MBD5: variants seen among roughly 807,000 people sequenced by gnomAD.
The protein encoded by MBD5 is methyl-CpG binding domain protein 5.
Under a neutral mutation model 117.3 loss-of-function variants are expected in MBD5, and 13 were observed. The ratio of observed to expected loss-of-function variants is 0.11; its 90% CI spans 0.07 to 0.18. MBD5 has a LOEUF of 0.18. MBD5 is among the 10% of genes least tolerant of loss of function. The probability of loss-of-function intolerance (pLI) is 1.00; values close to 1 mark genes in which losing one functional copy is unlikely to be tolerated. For missense variants in MBD5, 1,879 were observed against 2,093.8 expected (o/e 0.90, Z 2.00); for synonymous variants, 727 against 766.4 (o/e 0.95, Z 0.85).
At chr2:148,463,594 T>C (rs1574452993) in intron 6 of MBD5, 145 bp from the exon 7 acceptor site, 3 of 870,968 alleles carry the variant, frequency 3.4e-6, no homozygotes, top group Admixed American at 4.3e-5. Context: ...TACTAAGTTA[T>C]ATAAAGTTGC....
In MBD5 at chr2:148,396,904, A is replaced by T. The variant is rs183687659; in HGVS notation, c.-557+54568A>T. On this transcript the variant is annotated intron_variant, in intron 4 of 13. Coordinates refer to ENST00000642680, the MANE Select transcript of MBD5 (RefSeq NM_001378120.1). ...TTAAACCTTGCCCATGTCCTTATAG[A>T]TAAATTTTTCTGCAAATTACACTTT... Among the ~76,000 whole-genome samples, 12 of 152,286 alleles carry T rather than the reference A, an allele frequency of 7.9e-5. No homozygotes were observed. In the East Asian group the frequency reaches 2.3e-3, roughly 29 times the overall value.
chr2:148,069,056 G>A (rs984137078), intron 1 of MBD5, among the ~76,000 whole-genome samples: 6 of 152,122 alleles, frequency 3.9e-5, no homozygotes, highest in African/African-American at 1.2e-4. Context: ...CAGAAACAAT[G>A]TGTCTTCTCT....
chr2:148,074,507 G>GTTTTTTTTTTTGTTTTTTTTTTTGT (rs1553469620), intron 1 of MBD5, among the ~76,000 whole-genome samples: 1 of 113,772 alleles, frequency 8.8e-6, no homozygotes, highest in African/African-American at 3.5e-5. Flanking sequence ...TTTTTTTTTT[G>GTTTTTTTTTTTGTTTTTTTTTTTGT]TTTTTTTTTT....
chr2:148,154,047 T>A (rs1697778342), intron 1 of MBD5, among the ~76,000 whole-genome samples: 3 of 92,424 alleles, frequency 3.2e-5, no homozygotes, highest in Admixed American at 1.3e-4. Context: ...TTTTCTGTTC[T>A]GTTTTTTCCC....
chr2:148,421,326 G>T (rs1343510021), intron 4 of MBD5, among the ~76,000 whole-genome samples: 1 of 152,158 alleles, frequency 6.6e-6, no homozygotes, highest in Non-Finnish European at 1.5e-5. Context: ...CAAGCGGTCA[G>T]GGTATTTCCC....
Position 148,411,892 on chromosome 2 carries a change from T to C in MBD5, c.-556-46311T>C, listed in dbSNP as rs144208688. On this transcript the variant is annotated intron_variant, in intron 4 of 13. Coordinates refer to ENST00000642680, the MANE Select transcript of MBD5 (RefSeq NM_001378120.1). ...TTTTTTGCTTTTGTTACAATTACTT[T>C]TGGCATCTTCATCATGAAATATTTC... Among the ~76,000 whole-genome samples the C allele has an allele frequency of 3.3e-3, 507 of 152,298 alleles. 1 individual carries two copies. Among genetic ancestry groups the C allele is most frequent in the African/African-American group, 0.011 (471 of 41,558 alleles).
intron 2 of MBD5, among the ~76,000 whole-genome samples, chr2:148,218,573 G>C (rs935223987): frequency 6.6e-6 from 1 of 152,068 alleles, no homozygotes; most frequent in Non-Finnish European, 1.5e-5. Context: ...TGTATTGTTA[G>C]GCAATTTCCT....
chr2:148,510,462 A>G (rs997965412), intron 13 of MBD5, among the ~76,000 whole-genome samples: 2 of 152,220 alleles, frequency 1.3e-5, no homozygotes, highest in Non-Finnish European at 2.9e-5. Flanking sequence ...ACTGTTGCTT[A>G]TATATGTAGT....
intron 13 of MBD5, 106 bp from the exon 14 acceptor site, chr2:148,512,764 G>A: frequency 9.8e-7 from 1 of 1,022,498 alleles, no homozygotes; most frequent in Non-Finnish European, 1.5e-6. Context: ...AATTGAAAGT[G>A]AAAGCCAGAG....
intron 1 of MBD5, among the ~76,000 whole-genome samples, chr2:148,045,899 A>G (rs1473838562): frequency 6.8e-6 from 1 of 148,000 alleles, no homozygotes; most frequent in Non-Finnish European, 1.5e-5. Flanking sequence ...TTCCTAATTT[A>G]TGTACACAAT....
At chr2:148,445,821 G>T (rs1166685741) in intron 4 of MBD5, among the ~76,000 whole-genome samples, 1 of 151,178 alleles carries the variant, frequency 6.6e-6, no homozygotes, top group African/African-American at 2.5e-5. Flanking sequence ...TTTAATGGTC[G>T]CCATTCTAAC....
chr2:148,154,015 T>C (rs935305929), intron 1 of MBD5, among the ~76,000 whole-genome samples: 6 of 114,502 alleles, frequency 5.2e-5, no homozygotes, highest in African/African-American at 1.9e-4. Flanking sequence ...GGAGAGGCGC[T>C]CTGCGTTTTA....
At chr2:148,445,226 T>C (rs563383887) in intron 4 of MBD5, among the ~76,000 whole-genome samples, 7 of 151,250 alleles carry the variant, frequency 4.6e-5, no homozygotes, top group Non-Finnish European at 8.8e-5. Context: ...CATGTTGGTG[T>C]GCTGCACCCA....
chr2:148,158,338 A>G (rs1697920826), intron 1 of MBD5, among the ~76,000 whole-genome samples: 1 of 152,222 alleles, frequency 6.6e-6, no homozygotes, highest in African/African-American at 2.4e-5. Flanking sequence ...AGACCTAAAG[A>G]AAATTATAAG....
chr2:148,477,629 G>C (rs1681012575), intron 8 of MBD5, among the ~76,000 whole-genome samples: 1 of 151,980 alleles, frequency 6.6e-6, no homozygotes, highest in African/African-American at 2.4e-5. Flanking sequence ...TTTAAATATA[G>C]AGGAGAAAAT....
chr2:148,426,988 T>G (rs1705813849), intron 4 of MBD5, among the ~76,000 whole-genome samples: 1 of 151,982 alleles, frequency 6.6e-6, no homozygotes, highest in African/African-American at 2.4e-5. Context: ...AAAAGTGGGC[T>G]AAGGATATGA....
intron 1 of MBD5, among the ~76,000 whole-genome samples, chr2:148,032,377 T>C (rs1455157391): frequency 6.6e-6 from 1 of 152,120 alleles, no homozygotes; most frequent in East Asian, 1.9e-4. Context: ...GAAGGAGAAT[T>C]TACTCAGTGC....
chr2:148,152,034 G>T (rs2105658990), intron 1 of MBD5, among the ~76,000 whole-genome samples: 1 of 150,804 alleles, frequency 6.6e-6, no homozygotes, highest in Admixed American at 6.6e-5. Context: ...TGTGATGTTA[G>T]GGTGTCAATT....
intron 2 of MBD5, among the ~76,000 whole-genome samples, chr2:148,217,179 G>A (rs1699578590): frequency 6.6e-6 from 1 of 152,150 alleles, no homozygotes; most frequent in African/African-American, 2.4e-5. Flanking sequence ...ATGGGGCTAC[G>A]GTATGTGGGA....
Sources: allele counts gnomAD v4.1 joint callset (sites outside exome capture counted in the v4.1 genomes callset), GRCh38; gene constraint gnomAD v4.1.1; transcripts MANE v1.5; gene names NCBI Gene and HGNC (gene_info 2026-07-23, HGNC 2026-07-21).